The following CTNNA2 variants were observed in gnomAD, a reference collection of about 807,000 sequenced individuals.
CTNNA2 encodes the protein catenin alpha 2, also known as catenin alpha-2.
In CTNNA2, 42 loss-of-function variants were observed where a neutral mutation model predicts 101.0. The ratio of observed to expected loss-of-function variants is 0.42; its 90% CI spans 0.32 to 0.54. CTNNA2 has a LOEUF of 0.54. Among genes scored for constraint, CTNNA2 ranks in the 20% least tolerant of loss-of-function variants. The pLI, the probability that CTNNA2 is intolerant of heterozygous loss-of-function variation, is 0.14. For missense variants in CTNNA2, 871 were observed against 1,223.1 expected (o/e 0.71, Z 4.29); for synonymous variants, 450 against 456.4 (o/e 0.99, Z 0.18).
intron 2 of CTNNA2, among the ~76,000 whole-genome samples, chr2:79,263,382 C>T (rs763880329): frequency 6.6e-6 from 1 of 152,130 alleles, no homozygotes; most frequent in Non-Finnish European, 1.5e-5. Flanking sequence ...CCCTCCCCAA[C>T]TGTCTTGCTC....
At chr2:80,199,908 T>TTC (rs1184892243) in intron 7 of CTNNA2, among the ~76,000 whole-genome samples, 2 of 152,120 alleles carry the variant, frequency 1.3e-5, no homozygotes, top group African/African-American at 4.8e-5. Flanking sequence ...CTATGTCCTG[T>TTC]TCTCTCTCTC....
At chr2:80,006,614 C>T (rs534923260) in intron 7 of CTNNA2, among the ~76,000 whole-genome samples, 1 of 152,112 alleles carries the variant, frequency 6.6e-6, no homozygotes, top group Non-Finnish European at 1.5e-5. Flanking sequence ...TCTGCTTCAG[C>T]CCGTGCAAAT....
At chr2:79,731,448 A>G (rs1231929347) in intron 2 of CTNNA2, among the ~76,000 whole-genome samples, 1 of 152,062 alleles carries the variant, frequency 6.6e-6, no homozygotes, top group Non-Finnish European at 1.5e-5. Flanking sequence ...CTGAATTAAA[A>G]CTGATTGATA....
At chr2:79,630,488 C>CA (rs574699016) in intron 1 of CTNNA2, among the ~76,000 whole-genome samples, 7 of 151,336 alleles carry the variant, frequency 4.6e-5, no homozygotes, top group Non-Finnish European at 8.8e-5. Context: ...TAAAAGAGAC[C>CA]AAAAAAATGG....
At chr2:79,672,273 A>T (rs1413142811) in intron 2 of CTNNA2, among the ~76,000 whole-genome samples, 1 of 152,176 alleles carries the variant, frequency 6.6e-6, no homozygotes, top group African/African-American at 2.4e-5. Context: ...GCATCATGAA[A>T]AGGTAACCAA....
rs78358028 is a variant in CTNNA2, at chr2:79,915,952, A to C, written c.1056+6155A>C. On this transcript the variant is annotated intron_variant, in intron 7 of 18. Transcript: ENST00000402739. ...TCAGAAAGATAACTTTGCCATAGGA[A>C]TTGCTATACTGCCACATTTCTCCCA... Among the ~76,000 whole-genome samples, 967 of 152,322 alleles carry C rather than the reference A, an allele frequency of 6.3e-3. 11 individuals are homozygous for C. Among genetic ancestry groups the C allele is most frequent in the African/African-American group, 0.022 (932 of 41,574 alleles).
rs557908975 is a variant in CTNNA2, at chr2:80,148,185, G to A, written c.1056+238388G>A. On this transcript the variant is annotated intron_variant, in intron 7 of 18. Coordinates refer to ENST00000402739, the MANE Select transcript of CTNNA2 (RefSeq NM_001282597.3). ...AGTTGGTAGAATCTGTCTCTCTTGA[G>A]ATGTTCGGGGATTTCTTTTTAAAGG... 5.3e-5 allele frequency among the ~76,000 whole-genome samples: 8 copies of A among 152,242 alleles called. No homozygotes were observed. In the South Asian group the frequency reaches 1.7e-3, roughly 32 times the overall value.
intron 7 of CTNNA2, among the ~76,000 whole-genome samples, chr2:80,146,710 GTTTTTTTTTTT>G (rs34019123): frequency 8.1e-5 from 5 of 61,760 alleles, no homozygotes; most frequent in Admixed American, 2.5e-4. Flanking sequence ...GTCCCCTCTG[GTTTTTTTTTTT>G]TTTTTTTTTT....
chr2:79,987,973 G>A (rs1691883752), intron 7 of CTNNA2, among the ~76,000 whole-genome samples: 1 of 152,222 alleles, frequency 6.6e-6, no homozygotes, highest in African/African-American at 2.4e-5. Flanking sequence ...CAATAAATCT[G>A]TGTGGTTTAA....
At chr2:79,639,681 A>G (rs1179784671) in intron 1 of CTNNA2, among the ~76,000 whole-genome samples, 1 of 152,194 alleles carries the variant, frequency 6.6e-6, no homozygotes, top group African/African-American at 2.4e-5. Context: ...AGGGTTTTCA[A>G]TGCCTTGTTG....
chr2:80,395,525 T>G (rs1414965295), intron 8 of CTNNA2, among the ~76,000 whole-genome samples: 1 of 152,206 alleles, frequency 6.6e-6, no homozygotes, highest in African/African-American at 2.4e-5. Flanking sequence ...GCACAAAAGC[T>G]TCTCTGATCT....
intron 1 of CTNNA2, among the ~76,000 whole-genome samples, chr2:79,602,526 G>A (rs1046579339): frequency 6.6e-6 from 1 of 152,106 alleles, no homozygotes; most frequent in African/African-American, 2.4e-5. Context: ...ATAGTGATAC[G>A]TGGAAAAGAA....
At chr2:80,006,474 C>G (rs1370252955) in intron 7 of CTNNA2, among the ~76,000 whole-genome samples, 1 of 152,046 alleles carries the variant, frequency 6.6e-6, no homozygotes, top group Non-Finnish European at 1.5e-5. Flanking sequence ...ACCTCGGAGA[C>G]CACACTCATA....
At chr2:79,633,591 G>T (rs1679832759) in intron 1 of CTNNA2, 1 of 152,240 alleles carries the variant, frequency 6.6e-6, no homozygotes, top group Admixed American at 6.5e-5. Flanking sequence ...GGTGAGTGAA[G>T]AAAGATGTCT....
At chr2:79,738,537 A>G (rs1265366348) in intron 2 of CTNNA2, among the ~76,000 whole-genome samples, 1 of 152,202 alleles carries the variant, frequency 6.6e-6, no homozygotes, top group East Asian at 1.9e-4. Context: ...AAAGATGGGT[A>G]CAGAAATAAG....
At chr2:80,560,765 CTT>C (rs1414108456) in intron 12 of CTNNA2, among the ~76,000 whole-genome samples, 1 of 152,084 alleles carries the variant, frequency 6.6e-6, no homozygotes, top group Non-Finnish European at 1.5e-5. Flanking sequence ...AACTATTAGT[CTT>C]TTGACATTTA....
intron 2 of CTNNA2, among the ~76,000 whole-genome samples, chr2:79,729,651 C>T (rs1687081398): frequency 6.6e-6 from 1 of 152,086 alleles, no homozygotes; most frequent in Non-Finnish European, 1.5e-5. Flanking sequence ...CCTTGACAAG[C>T]ATAATTGCAA....
intron 2 of CTNNA2, among the ~76,000 whole-genome samples, chr2:79,738,406 G>A (rs571831749): frequency 5.9e-5 from 9 of 152,190 alleles, no homozygotes; most frequent in Admixed American, 5.2e-4. Context: ...AGAGGAGGAC[G>A]TTGAAGATTT....
chr2:80,065,121 G>A, intron 7 of CTNNA2, among the ~76,000 whole-genome samples: 1 of 152,070 alleles, frequency 6.6e-6, no homozygotes, highest in East Asian at 1.9e-4. Context: ...CAGTATGATG[G>A]GAATTGTGCA....
Sources: allele counts gnomAD v4.1 joint callset (sites outside exome capture counted in the v4.1 genomes callset), GRCh38; gene constraint gnomAD v4.1.1; transcripts MANE v1.5; gene names NCBI Gene and HGNC (gene_info 2026-07-23, HGNC 2026-07-21).